Variants in GSAP observed in about 807,000 individuals in gnomAD.
GSAP encodes gamma-secretase activating protein.
A neutral mutation model predicts 131.7 loss-of-function variants in GSAP; 118 were observed. The observed-to-expected ratio is 0.90, with a 90% CI of 0.77 to 1.04. GSAP has a LOEUF of 1.04. Ranked by LOEUF, GSAP falls within the 50% of genes least tolerant of loss-of-function variation. The pLI is 0.00. For synonymous variants in GSAP, 381 were observed against 363.4 expected (o/e 1.05, Z -0.55); for missense variants, 1,019 against 1,013.2 (o/e 1.01, Z -0.08).
chr7:77,325,711 C>A (rs1788245474), intron 23 of GSAP, among the ~76,000 whole-genome samples: 1 of 152,186 alleles, frequency 6.6e-6, no homozygotes, highest in African/African-American at 2.4e-5. Flanking sequence ...GCTGAGATTA[C>A]AGGTGTGCAC....
At chr7:77,357,626 T>TA (rs1189088637) in intron 14 of GSAP, among the ~76,000 whole-genome samples, 3 of 152,102 alleles carry the variant, frequency 2.0e-5, no homozygotes, top group Non-Finnish European at 2.9e-5. Context: ...AGCTGATAGC[T>TA]AAAAAAATTA....
chr7:77,389,381 A>G (rs1364403802), intron 5 of GSAP, among the ~76,000 whole-genome samples: 1 of 149,006 alleles, frequency 6.7e-6, no homozygotes, highest in Non-Finnish European at 1.5e-5. Flanking sequence ...TACAAAAATA[A>G]AAAAAAAAAC....
intron 19 of GSAP, among the ~76,000 whole-genome samples, chr7:77,347,592 A>G (rs1451735694): frequency 6.6e-6 from 1 of 152,224 alleles, no homozygotes; most frequent in African/African-American, 2.4e-5. Flanking sequence ...AAAATAATAA[A>G]AAGAAAAAGA....
chr7:77,375,149 G>A (rs888011255), intron 10 of GSAP, 48 bp from the exon 11 acceptor site: 5 of 1,125,766 alleles, frequency 4.4e-6, no homozygotes, highest in Non-Finnish European at 6.6e-6. Context: ...AGAAAGTGAT[G>A]ACAGTTCTGA....
intron 12 of GSAP, 70 bp downstream of exon 12, chr7:77,374,000 A>G (rs1357420522): frequency 3.5e-6 from 3 of 846,208 alleles, no homozygotes; most frequent in South Asian, 2.8e-5. Flanking sequence ...CCATATAGCT[A>G]AACAATGAGT....
Position 77,355,632 on chromosome 7 carries a change from A to T in GSAP, c.1043T>A (p.Val348Asp), listed in dbSNP as rs769709815. 1.3e-6 allele frequency: 2 copies of T among 1,580,380 alleles called. No homozygotes were observed. Among genetic ancestry groups the T allele is most frequent in the Non-Finnish European group, 1.7e-6 (2 of 1,149,170 alleles). The part of the protein sequence containing the change: ...TFLNLDYYVA[V>D]YLPGHFFHLL... ...GTGGAAGAAATGACCAGGTAAGTAA[A>T]CAGCCACATAATAGTCTATAGAAGA... Residue 348 changes from valine to aspartate, a missense_variant, in exon 15 of 31, where the codon GTT becomes GAT. Val to Asp is a radical substitution (Grantham distance 152). Coordinates refer to ENST00000257626, the MANE Select transcript of GSAP (RefSeq NM_017439.4).
At chr7:77,373,263 G>T (rs749180862) in intron 12 of GSAP, among the ~76,000 whole-genome samples, 2 of 152,054 alleles carry the variant, frequency 1.3e-5, no homozygotes, top group Non-Finnish European at 2.9e-5. Context: ...TAACCTTTAC[G>T]CTAATAAAGA....
At chr7:77,317,778 T>C (rs571083420) in intron 26 of GSAP, among the ~76,000 whole-genome samples, 2 of 152,340 alleles carry the variant, frequency 1.3e-5, no homozygotes, top group East Asian at 3.9e-4. Context: ...GTCAATCCAT[T>C]TCCCTACCAA....
chr7:77,387,284 C>A, intron 6 of GSAP, 76 bp downstream of exon 6: 2 of 789,872 alleles, frequency 2.5e-6, no homozygotes, highest in Admixed American at 1.9e-5. Flanking sequence ...AGTGAAAGTA[C>A]TTTGTAAACC....
At position 77,390,946 on chromosome 7, in the gene GSAP, T is replaced by TAAAAAA. The variant is rs71085453; in HGVS notation, c.368-3504_368-3499dup. On this transcript the variant is annotated intron_variant, in intron 5 of 30. Coordinates refer to ENST00000257626, the MANE Select transcript of GSAP (RefSeq NM_017439.4). The stretch of plus-strand genomic sequence containing the variant: ...CCTGGTGACAGAGCGAGACTCCGTC[T>TAAAAAA]AAAAAAAAAAAAAAAAAAAAAAAAA... Among the ~76,000 whole-genome samples, 22 of 37,942 alleles carry TAAAAAA rather than the reference T, an allele frequency of 5.8e-4. 5 individuals carry two copies. The highest frequency in any genetic ancestry group is 7.0e-4 in the Non-Finnish European group (13 of 18,636). The allele number at this position is 37,942 out of a possible 152,430, so 24.9% of individuals were successfully genotyped here. A position where few individuals can be genotyped will look rare whatever the true frequency, so the allele number is the denominator to read the frequency against.
intron 7 of GSAP, 129 bp from the exon 8 acceptor site, chr7:77,381,483 C>T: frequency 2.0e-6 from 1 of 499,136 alleles, no homozygotes; most frequent in Non-Finnish European, 3.5e-6. Context: ...AAAAACAACA[C>T]TATCACAAAC....
chr7:77,390,867 T>G (rs1198670472), intron 5 of GSAP, among the ~76,000 whole-genome samples: 1 of 142,626 alleles, frequency 7.0e-6, no homozygotes, highest in Non-Finnish European at 1.5e-5. Flanking sequence ...GAGACTCGCT[T>G]GAAACCAGGA....
At chr7:77,320,889 G>T in intron 25 of GSAP, 70 bp from the exon 26 acceptor site, 1 of 896,368 alleles carries the variant, frequency 1.1e-6, no homozygotes, top group Non-Finnish European at 1.9e-6. Flanking sequence ...GTCCTAAGCA[G>T]TGGCTTTGAG....
At chr7:77,325,951 T>C (rs1788279309) in intron 23 of GSAP, among the ~76,000 whole-genome samples, 1 of 152,218 alleles carries the variant, frequency 6.6e-6, no homozygotes, top group Non-Finnish European at 1.5e-5. Context: ...CTCAACACTA[T>C]ACACTCCTTT....
At chr7:77,313,020 G>T (rs757034967) in intron 28 of GSAP, among the ~76,000 whole-genome samples, 1 of 152,090 alleles carries the variant, frequency 6.6e-6, no homozygotes, top group Non-Finnish European at 1.5e-5. Context: ...CTCACTCTAA[G>T]TGTTGATATT....
At chr7:77,311,561 A>G (rs750808254) in intron 30 of GSAP, 112 bp from the exon 31 acceptor site, 1 of 624,590 alleles carries the variant, frequency 1.6e-6, no homozygotes, top group South Asian at 2.0e-5. Flanking sequence ...TAGTAAAATG[A>G]ATTTTTTAAG....
intron 26 of GSAP, among the ~76,000 whole-genome samples, chr7:77,320,025 C>CATGTT (rs75081002): frequency 0.6 from 91,200 of 151,460 alleles, 28,464 homozygotes; most frequent in African/African-American, 0.77. Context: ...GGGTAGGTCT[C>CATGTT]AAGTGTTCTT....
intron 26 of GSAP, 74 bp downstream of exon 26, chr7:77,320,651 T>C (rs1787514850): frequency 2.3e-6 from 2 of 858,682 alleles, no homozygotes; most frequent in Non-Finnish European, 3.9e-6. Context: ...AAACTTATAA[T>C]GTACCAAAGG....
intron 19 of GSAP, among the ~76,000 whole-genome samples, chr7:77,336,777 C>T (rs958012530): frequency 4.6e-5 from 7 of 152,168 alleles, no homozygotes; most frequent in African/African-American, 1.7e-4. Flanking sequence ...CATGAGCCAC[C>T]GTGCCCAGCC....
Sources: gnomAD v4.1 joint callset for allele counts (sites outside exome capture counted in the v4.1 genomes callset) on GRCh38, gnomAD v4.1.1 for gene constraint, MANE v1.5 for transcripts, NCBI Gene and HGNC (gene_info 2026-07-23, HGNC 2026-07-21) for gene names.